Variants in HAUS7 observed in about 807,000 individuals in gnomAD.
HAUS7 encodes the protein HAUS augmin-like complex subunit 7.
Under a neutral mutation model 28.4 loss-of-function variants are expected in HAUS7, and 3 were observed. That is an observed-to-expected ratio of 0.11 (90% CI 0.05 to 0.27). The LOEUF (loss-of-function observed/expected upper bound fraction) is 0.27. Ranked by LOEUF, HAUS7 falls within the 10% of genes least tolerant of loss-of-function variation. The probability of loss-of-function intolerance (pLI) is 1.00; values close to 1 mark genes in which losing one functional copy is unlikely to be tolerated. For missense variants in HAUS7, 284 were observed against 297.3 expected, an observed-to-expected ratio of 0.96 and a Z score of 0.33; for synonymous variants, 165 against 132.1, an observed-to-expected ratio of 1.25 and a Z score of -1.71.
intron 9 of HAUS7, among the ~76,000 whole-genome samples, chrX:153,448,892 C>T (rs1602923580): frequency 8.9e-6 from 1 of 112,617 alleles, no homozygotes; most frequent in African/African-American, 3.2e-5. Context: ...GCCCCAGGGG[C>T]AGCACATGGC....
intron 4 of HAUS7, among the ~76,000 whole-genome samples, chrX:153,460,335 C>A (rs1258781952): frequency 1.8e-5 from 2 of 111,626 alleles, no homozygotes; most frequent in Non-Finnish European, 3.8e-5. Flanking sequence ...AGGTGGTGGT[C>A]ATACAACACT....
chrX:153,470,854 GA>G (rs2089516227), upstream of HAUS7: 1 of 384,603 alleles, frequency 2.6e-6, no homozygotes, highest in Non-Finnish European at 4.9e-6. Context: ...CGGACACCGG[GA>G]AAGGGGCGGG....
intron 1 of HAUS7, among the ~76,000 whole-genome samples, chrX:153,476,127 AGACACCTTCCCAC>A (rs2089561626): frequency 8.9e-6 from 1 of 112,311 alleles, no homozygotes; most frequent in Non-Finnish European, 1.9e-5. Flanking sequence ...CCACCGCCAC[AGACACCTTCCCAC>A]GGCTCACTCA....
At chrX:153,469,805 G>C (rs782587180) in intron 1 of HAUS7, among the ~76,000 whole-genome samples, 9 of 111,732 alleles carry the variant, frequency 8.1e-5, no homozygotes, top group African/African-American at 2.6e-4. Flanking sequence ...CAACGCCTGA[G>C]ACTAAGACTT....
At chrX:153,479,252 C>G (rs1371608819) in intron 1 of HAUS7, 3 of 624,383 alleles carry the variant, frequency 4.8e-6, no homozygotes, top group Middle Eastern at 9.3e-4. Flanking sequence ...CTCCTTCCCT[C>G]CATGGCAGCC....
chrX:153,470,533 C>A lies in HAUS7; in HGVS notation c.25G>T (p.Gly9Cys), dbSNP rs370247138. The change falls in exon 1 of 10, where the codon GGC becomes TGC. Residue 9 changes from glycine (G) to cysteine (C), a missense_variant. By Grantham distance (159) the Gly-to-Cys change is radical (BLOSUM62 -3). Transcript: ENST00000370211. ...TCTGAGTAGTCGTCGCCGCCACGGC[C>A]GCAGCCAGCGTCCTGCCCCGCCATG... is the stretch of plus-strand genomic sequence containing the variant. The part of the protein sequence containing the change: MAGQDAGC[G>C]RGGDDYSEDE... 29 of 1,194,386 alleles carry A rather than the reference C, an allele frequency of 2.4e-5. No homozygotes were observed. Among genetic ancestry groups the A allele is most frequent in the Non-Finnish European group, 3.0e-5 (27 of 887,479 alleles).
At chrX:153,486,269 G>A (rs905665964) in intron 1 of HAUS7, among the ~76,000 whole-genome samples, 10 of 112,562 alleles carry the variant, frequency 8.9e-5, no homozygotes, top group African/African-American at 2.3e-4. Flanking sequence ...GGCAGGAGTC[G>A]GGGCTCATCC....
intron 1 of HAUS7, among the ~76,000 whole-genome samples, chrX:153,492,399 C>T (rs1176767350): frequency 1.8e-5 from 2 of 110,530 alleles, no homozygotes; most frequent in African/African-American, 6.6e-5. Context: ...ATTAGAGGGC[C>T]AGGCCGAGTG....
At chrX:153,449,036 C>T (rs1284682031) in intron 9 of HAUS7, among the ~76,000 whole-genome samples, 5 of 111,947 alleles carry the variant, frequency 4.5e-5, no homozygotes, top group Non-Finnish European at 7.5e-5. Flanking sequence ...CAGTGGCGAC[C>T]GTGGTGGCTG....
chrX:153,472,456 A>G (rs868951943), upstream of HAUS7, among the ~76,000 whole-genome samples: 9 of 11,702 alleles, frequency 7.7e-4, no homozygotes, highest in South Asian at 0.019. Flanking sequence ...CCTGCCACCC[A>G]CCACCCGCCC....
At chrX:153,483,418 G>A in intron 1 of HAUS7, 2 of 754,702 alleles carry the variant, frequency 2.7e-6, no homozygotes, top group Non-Finnish European at 3.1e-6. Flanking sequence ...AGCACTGGCT[G>A]GCACCCCGAG....
intron 1 of HAUS7, chrX:153,479,267 G>A: frequency 1.5e-6 from 1 of 660,690 alleles, no homozygotes; most frequent in Non-Finnish European, 1.8e-6. Flanking sequence ...GCAGCCAAGA[G>A]GAGTGTGCTG....
At chrX:153,481,966 T>C in intron 1 of HAUS7, 2 of 552,502 alleles carry the variant, frequency 3.6e-6, no homozygotes, top group Non-Finnish European at 4.4e-6. Flanking sequence ...GGGCCGGGGC[T>C]GGGGCTGGGG....
chrX:153,477,492 G>A (rs1177365634), intron 1 of HAUS7, among the ~76,000 whole-genome samples: 3 of 113,348 alleles, frequency 2.6e-5, no homozygotes, highest in African/African-American at 9.6e-5. Context: ...AGACTTGGGT[G>A]AGCCCCACTC....
At chrX:153,481,953 C>T (rs2089602811) in intron 1 of HAUS7, 8 of 554,003 alleles carry the variant, frequency 1.4e-5, no homozygotes, top group South Asian at 9.6e-5. Context: ...CACCTCTTCT[C>T]GGGGGCCGGG....
chrX:153,457,619 G>A (rs919185865), intron 4 of HAUS7, among the ~76,000 whole-genome samples: 7 of 113,244 alleles, frequency 6.2e-5, no homozygotes, highest in Non-Finnish European at 1.1e-4. Flanking sequence ...AAGGATCGCC[G>A]TCCCAGCTGG....
upstream of HAUS7, among the ~76,000 whole-genome samples, chrX:153,472,442 A>ACCACCCGCCACCCACCACCCG (rs1321097203): frequency 1.7e-4 from 2 of 11,768 alleles, no homozygotes; most frequent in Non-Finnish European, 3.7e-4. Context: ...CCCACCACCC[A>ACCACCCGCCACCCACCACCCG]CCACCTGCCA....
chrX:153,453,020 T>C (rs1556981331), intron 9 of HAUS7, among the ~76,000 whole-genome samples: 2 of 112,309 alleles, frequency 1.8e-5, no homozygotes, highest in East Asian at 2.8e-4. Context: ...ACGATGTACA[T>C]AGCCAAAAAG....
chrX:153,480,460 AG>A (rs1439213815), intron 1 of HAUS7: 2 of 400,542 alleles, frequency 5.0e-6, no homozygotes, highest in African/African-American at 5.5e-5. Flanking sequence ...TCAGGAGGTA[AG>A]GGAAAGGCGG....
Sources: gnomAD v4.1 joint callset for allele counts (sites outside exome capture counted in the v4.1 genomes callset) on GRCh38, gnomAD v4.1.1 for gene constraint, MANE v1.5 for transcripts, NCBI Gene and HGNC (gene_info 2026-07-23, HGNC 2026-07-21) for gene names.